Variants in SYTL2 observed in about 807,000 individuals in gnomAD.
SYTL2 encodes the protein synaptotagmin-like protein 2.
Under a neutral mutation model 198.7 loss-of-function variants are expected in SYTL2, and 165 were observed. The observed-to-expected ratio is 0.83, with a 90% confidence interval of 0.73 to 0.94. The LOEUF is 0.94. SYTL2 is among the 40% of genes least tolerant of loss of function. The pLI, the probability that SYTL2 is intolerant of heterozygous loss-of-function variation, is 0.00. For missense variants in SYTL2, 2,835 were observed against 2,582.8 expected (o/e 1.10, Z -2.12); for synonymous variants, 966 against 917.7 (o/e 1.05, Z -0.95).
intron 1 of SYTL2, among the ~76,000 whole-genome samples, chr11:85,771,960 T>C (rs953490872): frequency 6.6e-6 from 1 of 152,278 alleles, no homozygotes; most frequent in East Asian, 1.9e-4. Context: ...TAGAGTGCAG[T>C]GGCACAATCT....
chr11:85,703,980 A>G (rs1375490411), intron 16 of SYTL2, among the ~76,000 whole-genome samples: 1 of 152,122 alleles, frequency 6.6e-6, no homozygotes, highest in East Asian at 1.9e-4. Context: ...AAAATGGAAT[A>G]ATAATCCCAA....
intron 13 of SYTL2, among the ~76,000 whole-genome samples, chr11:85,710,303 G>A (rs2086025462): frequency 6.6e-6 from 1 of 152,160 alleles, no homozygotes; most frequent in South Asian, 2.1e-4. Flanking sequence ...GGTAGAAAAT[G>A]GATGATTGAT....
rs1381364012 is a variant in SYTL2, at chr11:85,811,071, C to T, written c.-507G>A. 1 of 152,232 alleles carries T rather than the reference C, an allele frequency of 6.6e-6. No homozygotes were observed. The highest frequency in any genetic ancestry group is 1.5e-5 in the Non-Finnish European group (1 of 68,050). 9.4% of individuals were successfully genotyped at this position (152,232 alleles called of 1,614,324 possible). On this transcript the variant is annotated 5_prime_UTR_variant, in exon 1 of 20. Transcript: ENST00000359152. ...CCGGGCGCGGCGCGTTACCTTCCCC[C>T]GGGCAAGGCGTTGCGAGCCTTCACT...
chr11:85,826,202 A>T, the SYTL2 span, among the ~76,000 whole-genome samples: 1 of 152,232 alleles, frequency 6.6e-6, no homozygotes, highest in Non-Finnish European at 1.5e-5. Flanking sequence ...TTCTTTTGAC[A>T]TTAAACATTG....
intron 16 of SYTL2, among the ~76,000 whole-genome samples, chr11:85,702,597 T>G (rs973990643): frequency 4.6e-5 from 7 of 152,196 alleles, no homozygotes; most frequent in Non-Finnish European, 5.9e-5. Flanking sequence ...CCTAGGAATA[T>G]AAGCAAACAA....
chr11:85,853,441 T>A, the SYTL2 span: 1 of 389,288 alleles, frequency 2.6e-6, no homozygotes, highest in South Asian at 1.8e-5. Flanking sequence ...ATGGGCTTTG[T>A]TAAACAGATG....
chr11:85,737,406 T>A (rs747187870), intron 5 of SYTL2, among the ~76,000 whole-genome samples, 169 bp downstream of exon 5: 2 of 152,208 alleles, frequency 1.3e-5, no homozygotes, highest in Non-Finnish European at 2.9e-5. Context: ...TTTTCCACCA[T>A]GAGAGTGACT....
In SYTL2 at chr11:85,697,978, C is replaced by G. The variant is rs374407664; in HGVS notation, c.6368+1G>C. The G allele has an allele frequency of 3.2e-5, 51 of 1,600,736 alleles. No homozygotes were observed. Among genetic ancestry groups the G allele is most frequent in the Non-Finnish European group, 4.3e-5 (50 of 1,168,104 alleles). ...GCAGACAGAGTCATCAATACTATTA[C>G]CATTTAACAAAAGAATTTAGATGAC... is the stretch of plus-strand genomic sequence containing the variant. On this transcript the variant is annotated splice_donor_variant, in intron 18 of 19. Coordinates refer to ENST00000359152, the MANE Select transcript of SYTL2 (RefSeq NM_206927.4). LOFTEE classifies it high-confidence loss of function.
intron 1 of SYTL2, among the ~76,000 whole-genome samples, chr11:85,781,087 A>G (rs780065392): frequency 2.0e-5 from 3 of 152,236 alleles, no homozygotes; most frequent in Non-Finnish European, 4.4e-5. Context: ...AATGCTGCTA[A>G]TGAAGACATA....
intron 9 of SYTL2, chr11:85,719,450 A>G: frequency 2.5e-6 from 1 of 400,382 alleles, no homozygotes; most frequent in Admixed American, 5.8e-5. Context: ...GCACCATGGA[A>G]ATAGCCCCAT....
chr11:85,798,742 C>T (rs2092840573), intron 1 of SYTL2, among the ~76,000 whole-genome samples: 1 of 152,200 alleles, frequency 6.6e-6, no homozygotes, highest in Admixed American at 6.5e-5. Context: ...GACAATGCAT[C>T]TGAAATGTTA....
chr11:85,757,522 C>T (rs1028994457), intron 2 of SYTL2, 103 bp downstream of exon 2: 34 of 1,297,262 alleles, frequency 2.6e-5, no homozygotes, highest in Admixed American at 1.7e-4. Flanking sequence ...ATTCAGTCTT[C>T]GAGTCAGAAC....
At chr11:85,744,076 A>T (rs1291395404) in intron 4 of SYTL2, among the ~76,000 whole-genome samples, 1 of 152,088 alleles carries the variant, frequency 6.6e-6, no homozygotes, top group African/African-American at 2.4e-5. Flanking sequence ...ATTCCATTAG[A>T]GAGATTATAG....
At chr11:85,696,874 G>GA (rs1226406980) in intron 18 of SYTL2, among the ~76,000 whole-genome samples, 2 of 152,092 alleles carry the variant, frequency 1.3e-5, no homozygotes, top group African/African-American at 4.8e-5. Flanking sequence ...ATACAGAATA[G>GA]AAAAAGAAGA....
chr11:85,762,586 A>G (rs1225523069), intron 1 of SYTL2, among the ~76,000 whole-genome samples: 1 of 152,048 alleles, frequency 6.6e-6, no homozygotes, highest in African/African-American at 2.4e-5. Flanking sequence ...TTACTCTCCA[A>G]GCTCTTTTCC....
In SYTL2 at chr11:85,720,736, T is replaced by C. The variant is rs539851913; in HGVS notation, c.5428+122A>G. 8.0e-5 allele frequency: 50 copies of C among 628,176 alleles called. 1 individual carries two copies. The African/African-American group carries it at 8.6e-4, about 11-fold the overall frequency. The allele number at this position is 628,176 out of a possible 1,614,324, so 38.9% of individuals were successfully genotyped here. A position where few individuals can be genotyped will look rare whatever the true frequency, so the allele number is the denominator to read the frequency against. ...GCGCACTTTGGAGAGGTTATTTTCA[T>C]CTGTTAACTGCCCCCATTAGAGGGT... On this transcript the variant is annotated intron_variant, in intron 9 of 19. Transcript: ENST00000359152.
rs1190263111 is a variant in SYTL2 at position 85,702,000 on chromosome 11, T to A, written c.6190-1407A>T. ...AAAAGGTAAGCAGGACTTTTAGCAGTTTCATGAGGCTGGGGAGACAAAACT... is the reference window on the plus strand; with the variant it reads ...AAAAGGTAAGCAGGACTTTTAGCAGATTCATGAGGCTGGGGAGACAAAACT... On this transcript the variant is annotated intron_variant, in intron 16 of 19. Transcript: ENST00000359152. 3.3e-5 allele frequency among the ~76,000 whole-genome samples: 5 copies of A among 152,106 alleles called. No individual in the cohort carries two copies. The South Asian group carries it at 1.0e-3, about 32-fold the overall frequency.
In SYTL2 at chr11:85,724,811, T is replaced by C. The variant is rs199557677; in HGVS notation, c.4547A>G (p.Tyr1516Cys). The change falls in exon 8 of 20, where the codon TAT (tyrosine) becomes TGT (cysteine). Residue 1516 changes from tyrosine to cysteine, a missense_variant. By Grantham distance (194) the Tyr-to-Cys change is radical. This residue lies in a region of SYTL2 where 2,645 missense variants were observed against 2,381.7 expected (regional missense o/e 1.11). Coordinates refer to ENST00000359152, the MANE Select transcript of SYTL2 (RefSeq NM_206927.4). Reference protein sequence around the residue: ...KEETETFPSKYESDTGNLSPS... With the variant: ...KEETETFPSKCESDTGNLSPS... ...AGAAAGATTCCCTGTATCACTTTCATATTTTGAGGGGAAGGTTTCAGTTTC... is the reference window on the plus strand; with the variant it reads ...AGAAAGATTCCCTGTATCACTTTCACATTTTGAGGGGAAGGTTTCAGTTTC... The C allele has an allele frequency of 1.8e-5, 29 of 1,613,326 alleles. No homozygotes were observed. Among genetic ancestry groups the C allele is most frequent in the Middle Eastern group, 3.3e-4 (2 of 6,082 alleles).
the SYTL2 span, among the ~76,000 whole-genome samples, chr11:85,831,449 A>C: frequency 6.6e-6 from 1 of 152,218 alleles, no homozygotes; most frequent in African/African-American, 2.4e-5. Flanking sequence ...AAAAACAATT[A>C]AACTGTCCTC....
Sources: gnomAD v4.1 joint callset for allele counts (sites outside exome capture counted in the v4.1 genomes callset) on GRCh38, gnomAD v4.1.1 for gene constraint, gnomAD v4.1.1 regional missense constraint, MANE v1.5 for transcripts, NCBI Gene and HGNC (gene_info 2026-07-23, HGNC 2026-07-21) for gene names.